DRC11L: variants seen among roughly 807,000 people sequenced by gnomAD.
DRC11L encodes the protein dynein regulatory complex subunit like-11.
the DRC11L span, among the ~76,000 whole-genome samples, chr7:151,202,712 G>A: frequency 3.3e-5 from 5 of 152,184 alleles, no homozygotes; most frequent in Non-Finnish European, 5.9e-5. Flanking sequence ...TTAGCTGGGC[G>A]TATTGTCAAA....
chr7:151,201,639 T>C, the DRC11L span, among the ~76,000 whole-genome samples: 25 of 152,322 alleles, frequency 1.6e-4, no homozygotes, highest in African/African-American at 5.8e-4. The surrounding 1 kb of genome is among the most constrained non-coding windows in gnomAD (Gnocchi z 4.1). Context: ...TGGGAAGTTC[T>C]AAGTTTTCTC....
At chr7:151,199,193 G>A in the DRC11L span, among the ~76,000 whole-genome samples, 1 of 152,130 alleles carries the variant, frequency 6.6e-6, no homozygotes, top group Non-Finnish European at 1.5e-5. This position sits in a 1 kb window ranked among gnomAD's most constrained non-coding sequence, Gnocchi z 5.2. Context: ...ACTGTGTTTG[G>A]AGCCGAATTC....
the DRC11L span, among the ~76,000 whole-genome samples, chr7:151,199,475 C>T: frequency 6.6e-6 from 1 of 152,224 alleles, no homozygotes; most frequent in Non-Finnish European, 1.5e-5. This position sits in a 1 kb window ranked among gnomAD's most constrained non-coding sequence, Gnocchi z 5.2. Flanking sequence ...ATTCCTCACC[C>T]ACTGCCGTGC....
the DRC11L span, among the ~76,000 whole-genome samples, chr7:151,192,071 C>T: frequency 9.9e-5 from 15 of 152,274 alleles, no homozygotes; most frequent in East Asian, 2.5e-3. Flanking sequence ...CAACTCAACC[C>T]GAGGAATTAG....
chr7:151,194,275 C>T, the DRC11L span: 4 of 399,144 alleles, frequency 1.0e-5, no homozygotes, highest in Non-Finnish European at 1.8e-5. Flanking sequence ...GGACCGCATA[C>T]AAAGCCACAT....
chr7:151,195,417 A>T, the DRC11L span: 1 of 399,182 alleles, frequency 2.5e-6, no homozygotes, highest in Non-Finnish European at 4.4e-6. Flanking sequence ...TGGGCACGAC[A>T]GGGTCCTGCT....
the DRC11L span, chr7:151,197,020 G>A: frequency 2.5e-6 from 1 of 399,512 alleles, no homozygotes; most frequent in African/African-American, 2.1e-5. Context: ...GGATACATTT[G>A]GATGGCAACA....
At chr7:151,201,409 C>T in the DRC11L span, among the ~76,000 whole-genome samples, 2 of 152,228 alleles carry the variant, frequency 1.3e-5, no homozygotes, top group Non-Finnish European at 1.5e-5. The surrounding 1 kb of genome is among the most constrained non-coding windows in gnomAD (Gnocchi z 4.1). Flanking sequence ...GGAAGTGGGA[C>T]TCCATCTTTG....
chr7:151,196,338 G>A, the DRC11L span: 4 of 398,260 alleles, frequency 1.0e-5, no homozygotes, highest in Non-Finnish European at 1.8e-5. Flanking sequence ...CAGGACAAGA[G>A]AGAGGCAGAG....
the DRC11L span, chr7:151,203,269 CT>C: frequency 2.5e-6 from 1 of 398,264 alleles, no homozygotes; most frequent in Non-Finnish European, 4.4e-6. Context: ...GAAGAACAGC[CT>C]TGAAGGAGGC....
the DRC11L span, chr7:151,204,629 C>A: frequency 2.5e-6 from 1 of 399,166 alleles, no homozygotes; most frequent in Non-Finnish European, 4.4e-6. Context: ...GCAGGCGTCG[C>A]AGCAGCCGCC....
At chr7:151,203,657 G>A in the DRC11L span, 4 of 393,842 alleles carry the variant, frequency 1.0e-5, no homozygotes, top group Non-Finnish European at 1.8e-5. Context: ...AAGGGTAATG[G>A]GGCAGATACC....
At chr7:151,204,383 A>AACC in the DRC11L span, 2 of 386,890 alleles carry the variant, frequency 5.2e-6, no homozygotes, top group East Asian at 3.7e-5. Context: ...CCCCATCCCT[A>AACC]CCCCACCCGA....
the DRC11L span, chr7:151,190,982 A>G: frequency 1.0e-5 from 4 of 399,970 alleles, no homozygotes; most frequent in Non-Finnish European, 1.8e-5. Flanking sequence ...CTTAGCCATC[A>G]CTTCCTTTTC....
chr7:151,204,693 C>T, the DRC11L span: 1 of 399,004 alleles, frequency 2.5e-6, no homozygotes, highest in Non-Finnish European at 4.4e-6. Flanking sequence ...GCGCAGCAGC[C>T]CCAGGTAGTG....
At chr7:151,192,663 C>T in the DRC11L span, 1 of 399,070 alleles carries the variant, frequency 2.5e-6, no homozygotes, top group Non-Finnish European at 4.4e-6. Context: ...TTTGGAGCGA[C>T]TGGAACAAGC....
chr7:151,192,563 G>T, the DRC11L span: 2 of 398,272 alleles, frequency 5.0e-6, no homozygotes, highest in Non-Finnish European at 8.8e-6. Flanking sequence ...CTCAGCCCTA[G>T]CGGGATGAGG....
At chr7:151,203,932 G>T in the DRC11L span, among the ~76,000 whole-genome samples, 1 of 152,230 alleles carries the variant, frequency 6.6e-6, no homozygotes, top group Non-Finnish European at 1.5e-5. Flanking sequence ...ATATGAAGCA[G>T]TTACTGAACC....
the DRC11L span, chr7:151,196,827 C>T: frequency 2.5e-6 from 1 of 397,138 alleles, no homozygotes; most frequent in East Asian, 3.6e-5. Context: ...GCACACCATA[C>T]CTCCCTCTCC....
Sources: allele counts gnomAD v4.1 joint callset (sites outside exome capture counted in the v4.1 genomes callset), GRCh38; gene constraint gnomAD v4.1.1; non-coding constraint Gnocchi (gnomAD v3.1); transcripts MANE v1.5; gene names NCBI Gene and HGNC (gene_info 2026-07-23, HGNC 2026-07-21).